Variants in MTOR observed in about 807,000 individuals in gnomAD.
MTOR encodes the protein serine/threonine-protein kinase mTOR.
Under a neutral mutation model 319.8 loss-of-function variants are expected in MTOR, and 70 were observed. The ratio of observed to expected loss-of-function variants is 0.22; its 90% CI spans 0.18 to 0.27. The LOEUF (loss-of-function observed/expected upper bound fraction) is 0.27, where lower values mean the gene tolerates loss of function less well. Ranked by LOEUF, MTOR falls within the 10% of genes least tolerant of loss-of-function variation. The pLI is 1.00. For missense variants in MTOR, 1,890 were observed against 3,274.4 expected (o/e 0.58, Z 10.32); for synonymous variants, 1,183 against 1,211.4 (o/e 0.98, Z 0.49).
In MTOR at chr1:11,241,596, C is replaced by A; in HGVS notation, c.1498G>T (p.Asp500Tyr). The change falls in exon 10 of 58, where the codon GAT becomes TAT. Residue 500 changes from aspartate to tyrosine, a missense_variant. Physicochemically the swap from Asp to Tyr is radical, Grantham distance 160. Around this residue, in one of 15 missense-constraint regions of MTOR, gnomAD observed 418 missense variants for 543.1 expected, o/e 0.77. Coordinates refer to ENST00000361445, the MANE Select transcript of MTOR (RefSeq NM_004958.4). ...ATGGGCTCCAGCAGCTCCTTGATAT[C>A]CTGCTGGATGCCTGGCCCCATTGCT... ...ARAMGPGIQQ[D>Y]IKELLEPMLA... 6.2e-7 allele frequency: 1 copy of A among 1,614,026 alleles called. No homozygotes were observed. The highest frequency in any genetic ancestry group is 1.1e-5 in the South Asian group (1 of 91,080).
At chr1:11,242,225 G>A (rs891115232) in intron 9 of MTOR, among the ~76,000 whole-genome samples, 14 of 151,986 alleles carry the variant, frequency 9.2e-5, no homozygotes, top group Admixed American at 3.9e-4. Context: ...TTAGCTGGGC[G>A]TGCTGGCACA....
chr1:11,199,713 GAGA>G lies in MTOR; in HGVS notation c.3945-13_3945-11del, dbSNP rs1557835275. 1.9e-6 allele frequency: 3 copies of G among 1,612,818 alleles called. No homozygotes were observed. Among genetic ancestry groups the G allele is most frequent in the Non-Finnish European group, 2.5e-6 (3 of 1,178,946 alleles). On this transcript the variant is annotated splice_polypyrimidine_tract_variant and intron_variant, in intron 26 of 57. Transcript: ENST00000361445. This position sits in a 1 kb window ranked among gnomAD's most constrained non-coding sequence, Gnocchi z 4.5. ...AGCATTGAAGAGATCCCTGAAGGCAGAGAAGGTGGAAAATGGAGAGACCTCCCG... is the reference window on the plus strand; with the variant it reads ...AGCATTGAAGAGATCCCTGAAGGCAGAGGTGGAAAATGGAGAGACCTCCCG...
At chr1:11,233,567 C>T in intron 14 of MTOR, 80 bp from the exon 15 acceptor site, 1 of 1,064,580 alleles carries the variant, frequency 9.4e-7, no homozygotes, top group Non-Finnish European at 1.4e-6. Flanking sequence ...AAAATTCACC[C>T]AAGAGACCAT....
Position 11,128,985 on chromosome 1 carries a change from A to G in MTOR, c.5715-34T>C. 1 of 1,580,696 alleles carries G rather than the reference A, an allele frequency of 6.3e-7. No individual in the cohort carries two copies. Among genetic ancestry groups the G allele is most frequent in the Non-Finnish European group, 8.6e-7 (1 of 1,157,338 alleles). ...GAAATGAGAAAGTCACAGAAAATTTAGTTTCCCAGTTTTTGCCTGCCTGTT... is the reference window on the plus strand; with the variant it reads ...GAAATGAGAAAGTCACAGAAAATTTGGTTTCCCAGTTTTTGCCTGCCTGTT... On this transcript the variant is annotated intron_variant, in intron 40 of 57. Transcript: ENST00000361445. The surrounding 1 kb of genome is among the most constrained non-coding windows in gnomAD (Gnocchi z 5.3).
Position 11,121,210 on chromosome 1 carries a change from C to T in MTOR, c.6933+36G>A. ...GCCATCCTATTGCGAGTGGGGGTTCCAGGAGAGCGCAGGTCTGCAGGGCCC... is the reference window on the plus strand; with the variant it reads ...GCCATCCTATTGCGAGTGGGGGTTCTAGGAGAGCGCAGGTCTGCAGGGCCC... On this transcript the variant is annotated intron_variant, in intron 49 of 57. Coordinates refer to ENST00000361445, the MANE Select transcript of MTOR (RefSeq NM_004958.4). The surrounding 1 kb of genome is among the most constrained non-coding windows in gnomAD (Gnocchi z 4.9). 6.2e-7 allele frequency: 1 copy of T among 1,609,550 alleles called. No individual in the cohort carries two copies. Among genetic ancestry groups the T allele is most frequent in the Admixed American group, 1.7e-5 (1 of 59,916 alleles).
At position 11,258,589 on chromosome 1, in the gene MTOR, C is replaced by T. The variant is rs1255639333; in HGVS notation, c.167G>A (p.Ser56Asn). 1.2e-6 allele frequency: 2 copies of T among 1,610,006 alleles called. No individual in the cohort carries two copies. The highest frequency in any genetic ancestry group is 4.5e-5 in the East Asian group (2 of 44,856). The change falls in exon 3 of 58, where the codon AGT (serine) becomes AAT (asparagine). Residue 56 changes from serine to asparagine, a missense_variant. This residue lies in a region of MTOR where 85 missense variants were observed against 105.8 expected (regional missense o/e 0.80). Transcript: ENST00000361445. ...HYVTMELREMSQEESTRFYDQ... is the reference protein window; with the variant it reads ...HYVTMELREMNQEESTRFYDQ... The stretch of plus-strand genomic sequence containing the variant: ...ATAGAAGCGAGTAGACTCCTCTTGA[C>T]TCATCTGCAAAAGAAGATATAATCA...
At position 11,259,435 on chromosome 1, in the gene MTOR, A is replaced by C; in HGVS notation, c.-14-12T>G. ...CTTGCCCTGAGGTTCTTTAGAGAGA[A>C]GTTTCCTTTAATATTCTGGATAAGA... On this transcript the variant is annotated splice_polypyrimidine_tract_variant and intron_variant, in intron 1 of 57. Coordinates refer to ENST00000361445, the MANE Select transcript of MTOR (RefSeq NM_004958.4). 1 of 1,521,118 alleles carries C rather than the reference A, an allele frequency of 6.6e-7. No homozygotes were observed. Among genetic ancestry groups the C allele is most frequent in the Non-Finnish European group, 8.8e-7 (1 of 1,141,468 alleles). 94.2% of individuals were successfully genotyped at this position (1,521,118 alleles called of 1,614,324 possible). A position where few individuals can be genotyped will look rare whatever the true frequency, so the allele number is the denominator to read the frequency against.
Position 11,109,470 on chromosome 1 carries a change from A to T in MTOR, c.7448-100T>A. ...TCAAATATTCACTTTTGTAAGTGTT[A>T]AGCAATCCTTCCTCTATGTCCGTCT... On this transcript the variant is annotated intron_variant, in intron 55 of 57. Transcript: ENST00000361445. This position sits in a 1 kb window ranked among gnomAD's most constrained non-coding sequence, Gnocchi z 4.0. 1 of 1,266,788 alleles carries T rather than the reference A, an allele frequency of 7.9e-7. No individual in the cohort carries two copies. The allele number at this position is 1,266,788 out of a possible 1,614,324, so 78.5% of individuals were successfully genotyped here.
In MTOR at chr1:11,109,784, G is replaced by A; in HGVS notation, c.7367-55C>T. 6.7e-7 allele frequency: 1 copy of A among 1,493,592 alleles called. No individual in the cohort carries two copies. Among genetic ancestry groups the A allele is most frequent in the Non-Finnish European group, 9.3e-7 (1 of 1,070,982 alleles). The allele number at this position is 1,493,592 out of a possible 1,614,324, so 92.5% of individuals were successfully genotyped here. On this transcript the variant is annotated intron_variant, in intron 54 of 57. Transcript: ENST00000361445. This position sits in a 1 kb window ranked among gnomAD's most constrained non-coding sequence, Gnocchi z 4.0. ...ATTCAAACACCAAAAAGCCACTGTT[G>A]GTGTTAGCATCTAATTCTCTACGCA...
intron 49 of MTOR, among the ~76,000 whole-genome samples, chr1:11,118,505 G>T (rs968953714): frequency 1.3e-5 from 2 of 151,168 alleles, no homozygotes; most frequent in South Asian, 4.2e-4. Context: ...AAAGTGCTGG[G>T]ATTACAGGCG....
chr1:11,212,609 T>C lies in MTOR; in HGVS notation c.3399-135A>G. ...TCTAAGGTATTTTGGATGACATGGA[T>C]CCAACATTTATTCCAATGGGATAGG... On this transcript the variant is annotated intron_variant, in intron 22 of 57. Transcript: ENST00000361445. This position sits in a 1 kb window ranked among gnomAD's most constrained non-coding sequence, Gnocchi z 4.1. 1 of 1,185,088 alleles carries C rather than the reference T, an allele frequency of 8.4e-7. No individual in the cohort carries two copies. The highest frequency in any genetic ancestry group is 1.2e-6 in the Non-Finnish European group (1 of 841,952). 73.4% of individuals were successfully genotyped at this position (1,185,088 alleles called of 1,614,324 possible).
chr1:11,142,755 T>C (rs1643775285), intron 34 of MTOR, among the ~76,000 whole-genome samples: 1 of 152,194 alleles, frequency 6.6e-6, no homozygotes, highest in Non-Finnish European at 1.5e-5. Flanking sequence ...CTTTTAGCTA[T>C]GATAAGATGC....
At position 11,241,709 on chromosome 1, in the gene MTOR, G is replaced by C. The variant is rs200822355; in HGVS notation, c.1413-28C>G. 13 of 1,593,794 alleles carry C rather than the reference G, an allele frequency of 8.2e-6. No homozygotes were observed. In the Admixed American group the frequency reaches 1.7e-4, roughly 21 times the overall value. ...GTAGAGAAATGGAGAGTGGCTAGTT[G>C]AGACATAATGACATTCTTTAATGTC... On this transcript the variant is annotated intron_variant, in intron 9 of 57. Coordinates refer to ENST00000361445, the MANE Select transcript of MTOR (RefSeq NM_004958.4).
intron 25 of MTOR, among the ~76,000 whole-genome samples, 166 bp downstream of exon 25, chr1:11,209,146 T>C (rs554202814): frequency 6.6e-6 from 1 of 152,322 alleles, no homozygotes; most frequent in East Asian, 1.9e-4. Context: ...AAAATTACAA[T>C]TTAGGCACCT....
At chr1:11,123,527 G>C (rs372251856) in intron 47 of MTOR, among the ~76,000 whole-genome samples, 2 of 151,798 alleles carry the variant, frequency 1.3e-5, no homozygotes, top group Middle Eastern at 6.8e-3. Context: ...AGAGTGTAGA[G>C]GCACAACCTT....
chr1:11,204,460 T>C (rs1646075276), intron 26 of MTOR, 101 bp downstream of exon 26: 2 of 1,416,486 alleles, frequency 1.4e-6, no homozygotes, highest in Non-Finnish European at 1.9e-6. Context: ...ATTAGAAAAA[T>C]TAAAAATACC....
At position 11,136,886 on chromosome 1, in the gene MTOR, G is replaced by A. The variant is rs1385996816; in HGVS notation, c.5130+2418C>T. Among the ~76,000 whole-genome samples, 3 of 149,908 alleles carry A rather than the reference G, an allele frequency of 2.0e-5. No individual in the cohort carries two copies. In the East Asian group the frequency reaches 5.9e-4, roughly 29 times the overall value. ...AACAGAGTTTCGCTCTTGTCACCCA[G>A]GATGGAGTGCAGTGGCGTGATCTTG... is the stretch of plus-strand genomic sequence containing the variant. On this transcript the variant is annotated intron_variant, in intron 36 of 57. Coordinates refer to ENST00000361445, the MANE Select transcript of MTOR (RefSeq NM_004958.4).
At chr1:11,258,107 C>A (rs911165398) in intron 3 of MTOR, among the ~76,000 whole-genome samples, 67 of 136,144 alleles carry the variant, frequency 4.9e-4, no homozygotes, top group Middle Eastern at 3.6e-3. Context: ...GACTCCATCT[C>A]AAAAAAAAAA....
chr1:11,217,183 A>G (rs570251549), intron 19 of MTOR, among the ~76,000 whole-genome samples: 1 of 152,324 alleles, frequency 6.6e-6, no homozygotes, highest in Non-Finnish European at 1.5e-5. Context: ...TAGGATGAGG[A>G]GATTCTACTG....
Sources: allele counts gnomAD v4.1 joint callset (sites outside exome capture counted in the v4.1 genomes callset), GRCh38; gene constraint gnomAD v4.1.1; regional missense constraint gnomAD v4.1.1; non-coding constraint Gnocchi (gnomAD v3.1); transcripts MANE v1.5; gene names NCBI Gene and HGNC (gene_info 2026-07-23, HGNC 2026-07-21).